Variants in PDE5A observed in about 807,000 individuals in gnomAD.
PDE5A encodes the protein phosphodiesterase 5A.
PDE5A carries 67 observed loss-of-function variants against 110.2 expected under a neutral mutation model. That is an observed-to-expected ratio of 0.61 (90% confidence interval 0.50 to 0.75). PDE5A has a LOEUF of 0.75. Among genes scored for constraint, PDE5A ranks in the 30% least tolerant of loss-of-function variants. PDE5A has a pLI of 0.00. For missense variants in PDE5A, 862 were observed against 1,045.1 expected (o/e 0.82, Z 2.42); for synonymous variants, 328 against 351.2 (o/e 0.93, Z 0.74).
intron 1 of PDE5A, among the ~76,000 whole-genome samples, chr4:119,615,001 A>C (rs1729885985): frequency 1.3e-5 from 2 of 152,198 alleles, no homozygotes; most frequent in Non-Finnish European, 2.9e-5. Context: ...ACTAACAATC[A>C]GGTGATAATT....
At chr4:119,595,049 C>T (rs1341037523) in intron 3 of PDE5A, among the ~76,000 whole-genome samples, 3 of 152,068 alleles carry the variant, frequency 2.0e-5, no homozygotes, top group African/African-American at 7.2e-5. Flanking sequence ...AGGATAGAAA[C>T]ACCTTACAAG....
chr4:119,589,813 G>T (rs1728900570), intron 3 of PDE5A, among the ~76,000 whole-genome samples: 2 of 152,074 alleles, frequency 1.3e-5, no homozygotes, highest in South Asian at 4.1e-4. Context: ...ATCTTAAAAA[G>T]TCTGTCTGCA....
chr4:119,528,823 C>G (rs1184880724), intron 11 of PDE5A: 2 of 152,128 alleles, frequency 1.3e-5, no homozygotes, highest in Non-Finnish European at 2.9e-5. Flanking sequence ...AGTGACTTTC[C>G]TGTACAGGGC....
rs1330799812 is a variant in PDE5A, at chr4:119,562,988, G to A, written c.994-18C>T. 1 of 1,542,442 alleles carries A rather than the reference G, an allele frequency of 6.5e-7. No individual in the cohort carries two copies. Among genetic ancestry groups the A allele is most frequent in the Non-Finnish European group, 8.7e-7 (1 of 1,151,690 alleles). ...AGCAGCACCTAGACAAAAAAATTAG[G>A]AGCTCATTATTTAGCAATTGATTGT... is the stretch of plus-strand genomic sequence containing the variant. On this transcript the variant is annotated intron_variant, in intron 5 of 20. Transcript: ENST00000354960.
intron 3 of PDE5A, among the ~76,000 whole-genome samples, chr4:119,570,462 G>A (rs1449441686): frequency 1.3e-5 from 2 of 152,050 alleles, no homozygotes; most frequent in Admixed American, 1.3e-4. Flanking sequence ...CTGTAAAAGC[G>A]CAAAAAAGCC....
intron 1 of PDE5A, among the ~76,000 whole-genome samples, chr4:119,620,483 C>T (rs552293445): frequency 1.3e-5 from 2 of 152,108 alleles, no homozygotes; most frequent in Non-Finnish European, 2.9e-5. Context: ...GAAAACCTAC[C>T]ACTTCTGAAA....
intron 13 of PDE5A, among the ~76,000 whole-genome samples, chr4:119,519,830 T>C (rs1377741394): frequency 6.6e-6 from 1 of 152,116 alleles, no homozygotes; most frequent in East Asian, 1.9e-4. Context: ...TTGATAATCC[T>C]TGTGACCTTC....
At chr4:119,584,577 G>A (rs1320570308) in intron 3 of PDE5A, among the ~76,000 whole-genome samples, 3 of 152,162 alleles carry the variant, frequency 2.0e-5, no homozygotes, top group South Asian at 4.1e-4. Context: ...AATATATCAA[G>A]TGTCAAATTA....
At chr4:119,540,135 C>G (rs1171727364) in intron 10 of PDE5A, among the ~76,000 whole-genome samples, 1 of 151,710 alleles carries the variant, frequency 6.6e-6, no homozygotes, top group East Asian at 1.9e-4. Context: ...TTTTAAAGTT[C>G]ATTTTTGAGA....
chr4:119,628,776 G>A lies in PDE5A; in HGVS notation c.-105C>T, dbSNP rs201503376. ...CTCGGCCTCGAGACCCTCCCCCTTC[G>A]TCCTGCTCCAGTCGGGCCGGCTTTC... On this transcript the variant is annotated 5_prime_UTR_variant, in exon 1 of 21. In the 5' UTR this introduces an upstream ATG that the reference lacks. Coordinates refer to ENST00000354960, the MANE Select transcript of PDE5A (RefSeq NM_001083.4). 1.1e-5 allele frequency: 17 copies of A among 1,489,376 alleles called. No individual in the cohort carries two copies. The highest frequency in any genetic ancestry group is 1.5e-5 in the Non-Finnish European group (16 of 1,100,848). 92.3% of individuals were successfully genotyped at this position (1,489,376 alleles called of 1,614,324 possible). A position where few individuals can be genotyped will look rare whatever the true frequency, so the allele number is the denominator to read the frequency against.
chr4:119,617,458 TCA>T (rs1215566160), intron 1 of PDE5A, among the ~76,000 whole-genome samples: 9 of 152,140 alleles, frequency 5.9e-5, no homozygotes, highest in African/African-American at 2.2e-4. Context: ...AACTGCTCAC[TCA>T]CATTACAAAA....
At chr4:119,534,564 C>T (rs1457119057) in intron 11 of PDE5A, among the ~76,000 whole-genome samples, 1 of 152,046 alleles carries the variant, frequency 6.6e-6, no homozygotes, top group African/African-American at 2.4e-5. Context: ...TCCCTGGTGC[C>T]AAAAAGGTTG....
intron 3 of PDE5A, among the ~76,000 whole-genome samples, chr4:119,582,343 C>T (rs1052954845): frequency 9.9e-5 from 15 of 152,280 alleles, no homozygotes; most frequent in African/African-American, 2.6e-4. Context: ...CATGAGATTG[C>T]GGCAATTCAG....
chr4:119,545,455 C>G (rs1355299069), intron 9 of PDE5A, among the ~76,000 whole-genome samples: 1 of 152,052 alleles, frequency 6.6e-6, no homozygotes, highest in South Asian at 2.1e-4. Flanking sequence ...AAAAGAGAAC[C>G]ATTCAGCAAA....
chr4:119,557,396 C>A (rs572825243), intron 7 of PDE5A, among the ~76,000 whole-genome samples: 1 of 152,288 alleles, frequency 6.6e-6, no homozygotes, highest in Admixed American at 6.5e-5. Context: ...CTAATCTTGG[C>A]ATCTGTTTCT....
At chr4:119,545,395 T>G (rs993641538) in intron 9 of PDE5A, among the ~76,000 whole-genome samples, 1 of 151,904 alleles carries the variant, frequency 6.6e-6, no homozygotes, top group Non-Finnish European at 1.5e-5. Flanking sequence ...CCATACAAAC[T>G]CAGAATAATT....
intron 3 of PDE5A, among the ~76,000 whole-genome samples, chr4:119,592,486 A>C: frequency 7.2e-6 from 1 of 138,538 alleles, no homozygotes; most frequent in South Asian, 2.4e-4. Context: ...AAAAAAAAAA[A>C]AGCTGTGTTC....
At chr4:119,593,292 T>C (rs2110533572) in intron 3 of PDE5A, among the ~76,000 whole-genome samples, 1 of 152,346 alleles carries the variant, frequency 6.6e-6, no homozygotes, top group African/African-American at 2.4e-5. Flanking sequence ...TGACAGCAGC[T>C]TTGTTTTGTA....
intron 1 of PDE5A, among the ~76,000 whole-genome samples, chr4:119,609,723 A>G (rs1184680977): frequency 1.3e-5 from 2 of 152,180 alleles, no homozygotes; most frequent in African/African-American, 4.8e-5. Flanking sequence ...TATGGTGACT[A>G]TAGTTAATAA....
Sources: allele counts gnomAD v4.1 joint callset (sites outside exome capture counted in the v4.1 genomes callset), GRCh38; gene constraint gnomAD v4.1.1; transcripts MANE v1.5; gene names NCBI Gene and HGNC (gene_info 2026-07-23, HGNC 2026-07-21).